FBXL7: variants seen among roughly 807,000 people sequenced by gnomAD.
FBXL7 encodes the protein F-box/LRR-repeat protein 7.
FBXL7 carries 12 observed loss-of-function variants against 38.3 expected under a neutral mutation model. That is an observed-to-expected ratio of 0.31 (90% confidence interval 0.20 to 0.51). FBXL7 has a LOEUF of 0.51. FBXL7 is among the 20% of genes least tolerant of loss of function. The probability of loss-of-function intolerance (pLI) is 0.98; values close to 1 mark genes in which losing one functional copy is unlikely to be tolerated. For synonymous variants in FBXL7, 297 were observed against 300.9 expected, an observed-to-expected ratio of 0.99 and a Z score of 0.13; for missense variants, 567 against 676.4, an observed-to-expected ratio of 0.84 and a Z score of 1.79.
intron 2 of FBXL7, among the ~76,000 whole-genome samples, chr5:15,738,360 A>C (rs1579422181): frequency 6.6e-6 from 1 of 152,330 alleles, no homozygotes; most frequent in Admixed American, 6.5e-5. Context: ...AAAATATATA[A>C]TTAGGAACCT....
intron 2 of FBXL7, among the ~76,000 whole-genome samples, chr5:15,890,021 C>T (rs890875049): frequency 6.6e-6 from 1 of 152,106 alleles, no homozygotes; most frequent in African/African-American, 2.4e-5. Context: ...AGAAAAAGTT[C>T]TTGGGCCTAT....
chr5:15,751,688 TTAA>T (rs1286809653), intron 2 of FBXL7, among the ~76,000 whole-genome samples: 1 of 152,176 alleles, frequency 6.6e-6, no homozygotes, highest in Non-Finnish European at 1.5e-5. Flanking sequence ...TTGTCGATTT[TTAA>T]TAATATATGT....
At chr5:15,768,690 C>T (rs950621218) in intron 2 of FBXL7, among the ~76,000 whole-genome samples, 3 of 152,102 alleles carry the variant, frequency 2.0e-5, no homozygotes, top group African/African-American at 7.2e-5. Context: ...CATGATAGTA[C>T]ACACAGAGCG....
chr5:15,853,979 G>A (rs975037759), intron 2 of FBXL7, among the ~76,000 whole-genome samples: 1 of 152,190 alleles, frequency 6.6e-6, no homozygotes, highest in African/African-American at 2.4e-5. Flanking sequence ...CGATGTAACA[G>A]ATTGTTTTCA....
chr5:15,851,960 A>G (rs1297409140), intron 2 of FBXL7, among the ~76,000 whole-genome samples: 1 of 152,098 alleles, frequency 6.6e-6, no homozygotes, highest in Admixed American at 6.6e-5. Context: ...AATGTCTAAA[A>G]TATAATAAAG....
At chr5:15,768,499 C>T (rs961413268) in intron 2 of FBXL7, among the ~76,000 whole-genome samples, 1 of 151,030 alleles carries the variant, frequency 6.6e-6, no homozygotes, top group South Asian at 2.1e-4. Flanking sequence ...CCACTGCACT[C>T]TAGCCTGGGC....
intron 1 of FBXL7, among the ~76,000 whole-genome samples, chr5:15,556,369 C>T (rs1479226317): frequency 6.6e-6 from 1 of 152,102 alleles, no homozygotes; most frequent in African/African-American, 2.4e-5. Flanking sequence ...GCCTTTTGTT[C>T]ATTTCAGGCC....
intron 1 of FBXL7, among the ~76,000 whole-genome samples, chr5:15,567,130 C>T (rs1738602241): frequency 6.6e-6 from 1 of 152,136 alleles, no homozygotes; most frequent in Non-Finnish European, 1.5e-5. Context: ...TCATCAGCAT[C>T]ATTTGCTGGA....
intron 1 of FBXL7, among the ~76,000 whole-genome samples, chr5:15,564,035 C>CCTGG: frequency 6.6e-6 from 1 of 152,162 alleles, no homozygotes; most frequent in South Asian, 2.1e-4. Flanking sequence ...AACCATTCTT[C>CCTGG]CTGGTTCACA....
intron 3 of FBXL7, among the ~76,000 whole-genome samples, chr5:15,931,130 G>A (rs769010447): frequency 2.6e-5 from 4 of 152,124 alleles, no homozygotes; most frequent in African/African-American, 4.8e-5. Flanking sequence ...GACTACAACT[G>A]TATTGTTTTG....
chr5:15,613,782 TC>T (rs1302411091), intron 1 of FBXL7, among the ~76,000 whole-genome samples: 1 of 152,202 alleles, frequency 6.6e-6, no homozygotes, highest in East Asian at 1.9e-4. Flanking sequence ...ACTGTCTTAG[TC>T]CATTCGGGCT....
intron 2 of FBXL7, among the ~76,000 whole-genome samples, chr5:15,661,323 T>C (rs544331634): frequency 3.1e-4 from 47 of 152,324 alleles, no homozygotes; most frequent in Non-Finnish European, 6.3e-4. Flanking sequence ...AGATTTTCTA[T>C]GTAGATGATC....
intron 1 of FBXL7, among the ~76,000 whole-genome samples, chr5:15,591,492 C>T (rs149486187): frequency 3.3e-5 from 5 of 151,684 alleles, no homozygotes; most frequent in African/African-American, 1.2e-4. Context: ...GAAATTGCAC[C>T]TTATAAAATG....
intron 2 of FBXL7, among the ~76,000 whole-genome samples, chr5:15,752,473 G>A (rs1736180074): frequency 6.6e-6 from 1 of 152,080 alleles, no homozygotes. Flanking sequence ...CCCAGATTGA[G>A]AAATAGTCAA....
chr5:15,663,747 A>G (rs1159500214), intron 2 of FBXL7, among the ~76,000 whole-genome samples: 1 of 152,160 alleles, frequency 6.6e-6, no homozygotes, highest in Non-Finnish European at 1.5e-5. Flanking sequence ...GGGTTTTTGC[A>G]TCAATGTTTA....
intron 2 of FBXL7, among the ~76,000 whole-genome samples, chr5:15,621,332 T>G (rs1435098913): frequency 6.6e-6 from 1 of 152,186 alleles, no homozygotes; most frequent in Non-Finnish European, 1.5e-5. Flanking sequence ...TTCCATTTTT[T>G]CCCAACATAA....
chr5:15,839,090 CT>C (rs750320882), intron 2 of FBXL7, among the ~76,000 whole-genome samples: 1,854 of 144,242 alleles, frequency 0.013, 45 homozygotes, highest in African/African-American at 0.04. Context: ...GTTGGGTCAT[CT>C]TTTTTTTTTT....
rs2063649301 is a variant in FBXL7 at position 15,928,283 on chromosome 5, C to A, written c.521C>A (p.Thr174Asn). 2 of 1,613,068 alleles carry A rather than the reference C, an allele frequency of 1.2e-6. No homozygotes were observed. The highest frequency in any genetic ancestry group is 2.7e-5 in the African/African-American group (2 of 75,048). The change falls in exon 3 of 4, where the codon ACC (threonine) becomes AAC (asparagine). Residue 174 changes from threonine (T) to asparagine (N), a missense_variant. By Grantham distance (65) the Thr-to-Asn change is moderately conservative. Coordinates refer to ENST00000504595, the MANE Select transcript of FBXL7 (RefSeq NM_012304.5). This position sits in a 1 kb window ranked among gnomAD's most constrained non-coding sequence, Gnocchi z 4.0. ...INVDRALKVLTRRLCQDTPNV... is the reference protein window; with the variant it reads ...INVDRALKVLNRRLCQDTPNV... Reference sequence around the variant, plus strand: ...GTGGACCGCGCCCTCAAGGTGCTGACCCGCAGACTCTGCCAGGACACCCCC... The same window carrying A: ...GTGGACCGCGCCCTCAAGGTGCTGAACCGCAGACTCTGCCAGGACACCCCC...
chr5:15,872,623 G>A (rs1740015647), intron 2 of FBXL7, among the ~76,000 whole-genome samples: 1 of 151,864 alleles, frequency 6.6e-6, no homozygotes, highest in Non-Finnish European at 1.5e-5. Context: ...AAAAAAACAG[G>A]GGTTGCAATC....
Sources: gnomAD v4.1 joint callset for allele counts (sites outside exome capture counted in the v4.1 genomes callset) on GRCh38, gnomAD v4.1.1 for gene constraint, Gnocchi (gnomAD v3.1) non-coding constraint, MANE v1.5 for transcripts, NCBI Gene and HGNC (gene_info 2026-07-23, HGNC 2026-07-21) for gene names.